ANK2: variants seen among roughly 807,000 people sequenced by gnomAD.
ANK2 encodes the protein ankyrin-2.
Under a neutral mutation model 360.5 loss-of-function variants are expected in ANK2, and 83 were observed. That is an observed-to-expected ratio of 0.23 (90% CI 0.19 to 0.28). ANK2 has a LOEUF of 0.28. Ranked by LOEUF, ANK2 falls within the 10% of genes least tolerant of loss-of-function variation. The pLI is 1.00. For synonymous variants in ANK2, 1,740 were observed against 1,759.5 expected (o/e 0.99, Z 0.28); for missense variants, 4,201 against 4,795.7 (o/e 0.88, Z 3.66).
chr4:112,751,737 C>A, the ANK2 span, among the ~76,000 whole-genome samples: 1 of 152,008 alleles, frequency 6.6e-6, no homozygotes, highest in Non-Finnish European at 1.5e-5. Flanking sequence ...TGGCAGAGAT[C>A]TTATCTCTAA....
At chr4:113,087,335 G>T (rs376674802) in intron 1 of ANK2, among the ~76,000 whole-genome samples, 1 of 152,174 alleles carries the variant, frequency 6.6e-6, no homozygotes, top group African/African-American at 2.4e-5. Context: ...ATGTATGTTG[G>T]AAAGTTATGG....
rs1228173982 is a variant in ANK2, at chr4:113,374,900, C to A, written c.11859+1451C>A. ...AGGATGGAGAAACATCTGGGGGATT[C>A]TAGTTTAGCCACTGATCTTCCTTCA... On this transcript the variant is annotated intron_variant, in intron 45 of 45. Coordinates refer to ENST00000357077, the MANE Select transcript of ANK2 (RefSeq NM_001148.6). 4 of 1,244,514 alleles carry A rather than the reference C, an allele frequency of 3.2e-6. No homozygotes were observed. In the Admixed American group the frequency reaches 7.9e-5, roughly 24 times the overall value. 77.1% of individuals were successfully genotyped at this position (1,244,514 alleles called of 1,614,324 possible).
chr4:113,227,945 G>T (rs192425146), intron 4 of ANK2, among the ~76,000 whole-genome samples: 31 of 152,248 alleles, frequency 2.0e-4, no homozygotes, highest in Middle Eastern at 6.8e-3. Context: ...ATAATTTGAG[G>T]AGATACATTC....
intron 23 of ANK2, among the ~76,000 whole-genome samples, chr4:113,305,047 A>G (rs1262618671): frequency 6.6e-6 from 1 of 152,172 alleles, no homozygotes; most frequent in Non-Finnish European, 1.5e-5. Context: ...GAAATTTATA[A>G]AAAATAGCCT....
intron 38 of ANK2, among the ~76,000 whole-genome samples, chr4:113,359,786 A>G (rs1239309628): frequency 1.3e-5 from 2 of 152,214 alleles, no homozygotes; most frequent in Non-Finnish European, 2.9e-5. Flanking sequence ...ATAACATGAA[A>G]TTCTAATTGT....
intron 2 of ANK2, among the ~76,000 whole-genome samples, chr4:112,998,017 T>A (rs1439878737): frequency 6.6e-6 from 1 of 151,866 alleles, no homozygotes; most frequent in Non-Finnish European, 1.5e-5. Flanking sequence ...TTAAAGGCCA[T>A]CTTTTGAGCA....
intron 2 of ANK2, among the ~76,000 whole-genome samples, chr4:113,022,362 G>C (rs1370727746): frequency 6.6e-6 from 1 of 152,006 alleles, no homozygotes; most frequent in African/African-American, 2.4e-5. Context: ...ATCATATTTG[G>C]TACGCAATTC....
chr4:112,805,645 G>A, the ANK2 span, among the ~76,000 whole-genome samples: 3 of 150,260 alleles, frequency 2.0e-5, no homozygotes, highest in Admixed American at 6.7e-5. Flanking sequence ...GCAATGGGGT[G>A]ATCTTGGCTC....
chr4:113,239,295 A>C (rs2099406923), intron 7 of ANK2, among the ~76,000 whole-genome samples: 1 of 152,304 alleles, frequency 6.6e-6, no homozygotes, highest in South Asian at 2.1e-4. Context: ...TAAGAGCACA[A>C]ATTTTCATTA....
Position 113,355,379 on chromosome 4 carries a change from G to A in ANK2, c.6761G>A (p.Ser2254Asn). The A allele has an allele frequency of 1.2e-6, 2 of 1,614,018 alleles. No individual in the cohort carries two copies. Among genetic ancestry groups the A allele is most frequent in the Non-Finnish European group, 1.7e-6 (2 of 1,179,976 alleles). ...AGCCTTTCTTTCTCACCAAAGAAAA[G>A]TGAGGAGCAAACTGGGGAAACAAAG... ...PESLSFSPKK[S>N]EEQTGETKES... Residue 2254 changes from serine (S) to asparagine (N), a missense_variant, in exon 38 of 46, where the codon AGT (serine) becomes AAT (asparagine). By Grantham distance (46) the Ser-to-Asn change is conservative. Around this residue, in one of 4 missense-constraint regions of ANK2, gnomAD observed 2,642 missense variants for 2,714.5 expected, o/e 0.97. Coordinates refer to ENST00000357077, the MANE Select transcript of ANK2 (RefSeq NM_001148.6).
chr4:113,346,104 A>G lies in ANK2; in HGVS notation c.4371+82A>G. ...CTTGTTTTAGGTCAGTGCAAAAGTA[A>G]TGGCAAAAACAGCAATTGCTTTTGC... On this transcript the variant is annotated intron_variant, in intron 35 of 45. Transcript: ENST00000357077. 7 of 1,553,226 alleles carry G rather than the reference A, an allele frequency of 4.5e-6. No homozygotes were observed. In the South Asian group the frequency reaches 6.7e-5, roughly 15 times the overall value.
At chr4:112,790,206 A>G in the ANK2 span, among the ~76,000 whole-genome samples, 1 of 152,330 alleles carries the variant, frequency 6.6e-6, no homozygotes, top group Middle Eastern at 3.4e-3. Context: ...TGATTTAGAC[A>G]TTTTTGGAAA....
intron 2 of ANK2, among the ~76,000 whole-genome samples, chr4:112,956,966 T>G (rs1248034076): frequency 6.6e-6 from 1 of 151,778 alleles, no homozygotes; most frequent in Non-Finnish European, 1.5e-5. Flanking sequence ...CGTTGTCTCT[T>G]AAATTATTGT....
chr4:112,742,724 A>G, the ANK2 span, among the ~76,000 whole-genome samples: 1 of 151,360 alleles, frequency 6.6e-6, no homozygotes, highest in African/African-American at 2.4e-5. Flanking sequence ...CTCATTCCAC[A>G]TCTTCTTTTT....
chr4:113,150,989 T>A (rs975271924), intron 1 of ANK2: 2 of 844,172 alleles, frequency 2.4e-6, no homozygotes, highest in Non-Finnish European at 3.3e-6. Flanking sequence ...TAATAGGTAC[T>A]TAGTAAATAT....
At position 113,237,175 on chromosome 4, in the gene ANK2, A is replaced by G. The variant is rs370475820; in HGVS notation, c.669+3A>G. 1.1e-4 allele frequency: 176 copies of G among 1,613,232 alleles called. No individual in the cohort carries two copies. The African/African-American group carries it at 2.0e-3, about 18-fold the overall frequency. ...ACAATGCTGACGTACAATCCAAGGT[A>G]CTTAAAGCTGAACACATTTGTGGAA... On this transcript the variant is annotated splice_donor_region_variant and intron_variant, in intron 6 of 45. Transcript: ENST00000357077.
Position 113,354,110 on chromosome 4 carries a change from C to T in ANK2, c.5492C>T (p.Ser1831Phe), listed in dbSNP as rs1259276813. The change falls in exon 38 of 46, where the codon TCT becomes TTT. Residue 1831 changes from serine (S) to phenylalanine (F), a missense_variant. Coordinates refer to ENST00000357077, the MANE Select transcript of ANK2 (RefSeq NM_001148.6). ...GSPSPKTERHSTLSSSAKTER... is the reference protein window; with the variant it reads ...GSPSPKTERHFTLSSSAKTER... ...CCCTCCCCTAAAACAGAAAGACACTCTACTCTTTCCTCTTCCGCAAAAACT... is the reference window on the plus strand; with the variant it reads ...CCCTCCCCTAAAACAGAAAGACACTTTACTCTTTCCTCTTCCGCAAAAACT... 3.7e-6 allele frequency: 6 copies of T among 1,614,104 alleles called. No individual in the cohort carries two copies. Among genetic ancestry groups the T allele is most frequent in the East Asian group, 2.2e-5 (1 of 44,876 alleles).
At chr4:112,719,392 G>GA in the ANK2 span, among the ~76,000 whole-genome samples, 1 of 152,160 alleles carries the variant, frequency 6.6e-6, no homozygotes, top group Non-Finnish European at 1.5e-5. Context: ...TGATACAGTG[G>GA]AAAAACCAAC....
Position 113,250,752 on chromosome 4 carries a change from A to ACC in ANK2, c.990+891_990+892dup, listed in dbSNP as rs1383642885. 4.1e-3 allele frequency among the ~76,000 whole-genome samples: 192 copies of ACC among 47,308 alleles called. 7 individuals carry two copies. The highest frequency in any genetic ancestry group is 5.6e-3 in the Non-Finnish European group (115 of 20,616). 31.0% of individuals were successfully genotyped at this position (47,308 alleles called of 152,430 possible). A position where few individuals can be genotyped will look rare whatever the true frequency, so the allele number is the denominator to read the frequency against. ...TCCCTATTCCATTCCACCTCATACC[A>ACC]CCGCCCCCCCCCCCGACAGAGTTGG... On this transcript the variant is annotated intron_variant, in intron 10 of 45. Coordinates refer to ENST00000357077, the MANE Select transcript of ANK2 (RefSeq NM_001148.6).
Sources: allele counts gnomAD v4.1 joint callset (sites outside exome capture counted in the v4.1 genomes callset), GRCh38; gene constraint gnomAD v4.1.1; regional missense constraint gnomAD v4.1.1; transcripts MANE v1.5; gene names NCBI Gene and HGNC (gene_info 2026-07-23, HGNC 2026-07-21).